RBFOX1: variants seen among roughly 807,000 people sequenced by gnomAD.
The protein encoded by RBFOX1 is RNA binding fox-1 homolog 1.
Under a neutral mutation model 57.7 loss-of-function variants are expected in RBFOX1, and 8 were observed. That is an observed-to-expected ratio of 0.14 (90% CI 0.08 to 0.25). The LOEUF (loss-of-function observed/expected upper bound fraction) is 0.25. RBFOX1 is among the 10% of genes least tolerant of loss of function. The probability of loss-of-function intolerance (pLI) is 1.00; values close to 1 mark genes in which losing one functional copy is unlikely to be tolerated. For synonymous variants in RBFOX1, 326 were observed against 222.4 expected, an observed-to-expected ratio of 1.47 and a Z score of -4.15; for missense variants, 611 against 548.5, an observed-to-expected ratio of 1.11 and a Z score of -1.14.
At chr16:7,206,995 G>A (rs1053655390) in intron 4 of RBFOX1, among the ~76,000 whole-genome samples, 2 of 152,120 alleles carry the variant, frequency 1.3e-5, no homozygotes, top group African/African-American at 4.8e-5. Context: ...AGCCAATTTA[G>A]CCCCTTGCAG....
At chr16:7,614,921 G>A (rs185874257) in intron 10 of RBFOX1, 3 of 152,298 alleles carry the variant, frequency 2.0e-5, no homozygotes, top group Admixed American at 2.0e-4. Flanking sequence ...ATTATATAAA[G>A]GTCTTTTTTC....
At chr16:6,739,920 G>A (rs1347198097) in intron 3 of RBFOX1, among the ~76,000 whole-genome samples, 1 of 152,064 alleles carries the variant, frequency 6.6e-6, no homozygotes, top group Non-Finnish European at 1.5e-5. Context: ...ATTTTATGAA[G>A]CCATTACACT....
rs143633525 is a variant in RBFOX1, at chr16:7,244,662, G to A, written c.27+192564G>A. Among the ~76,000 whole-genome samples, 1,187 of 152,294 alleles carry A rather than the reference G, an allele frequency of 7.8e-3. 20 individuals carry two copies. Among genetic ancestry groups the A allele is most frequent in the African/African-American group, 0.026 (1,100 of 41,552 alleles). On this transcript the variant is annotated intron_variant, in intron 4 of 15. Transcript: ENST00000550418. ...AATGTTGCTGCTTAAGCCTGTAAATGTATGGTATGCAACTTGTGGGTACTT... is the reference window on the plus strand; with the variant it reads ...AATGTTGCTGCTTAAGCCTGTAAATATATGGTATGCAACTTGTGGGTACTT...
intron 3 of RBFOX1, among the ~76,000 whole-genome samples, chr16:5,806,169 T>G (rs1161239887): frequency 6.6e-6 from 1 of 152,240 alleles, no homozygotes; most frequent in African/African-American, 2.4e-5. Context: ...TTTTCTGTCT[T>G]TCTTCACCAG....
intron 3 of RBFOX1, among the ~76,000 whole-genome samples, chr16:6,745,428 G>C (rs151216262): frequency 4.6e-5 from 7 of 152,192 alleles, no homozygotes; most frequent in African/African-American, 1.7e-4. Context: ...GAAATCTATT[G>C]ACACATGAAA....
At chr16:7,500,198 G>A (rs1203534952) in intron 4 of RBFOX1, among the ~76,000 whole-genome samples, 1 of 152,174 alleles carries the variant, frequency 6.6e-6, no homozygotes, top group Admixed American at 6.5e-5. Context: ...TGGAGACATT[G>A]GGTGATGTAT....
chr16:7,474,161 C>A (rs1490873024), intron 4 of RBFOX1, among the ~76,000 whole-genome samples: 1 of 152,108 alleles, frequency 6.6e-6, no homozygotes, highest in Non-Finnish European at 1.5e-5. Context: ...GTGGCGCATG[C>A]CTGTAGTTCC....
intron 3 of RBFOX1, among the ~76,000 whole-genome samples, chr16:6,910,418 C>T (rs192015144): frequency 6.6e-6 from 1 of 152,204 alleles, no homozygotes; most frequent in Non-Finnish European, 1.5e-5. Flanking sequence ...CTCAGGAATT[C>T]TGTCCCCAGG....
chr16:5,314,451 A>G (rs983820435), intron 1 of RBFOX1, among the ~76,000 whole-genome samples: 3 of 152,238 alleles, frequency 2.0e-5, no homozygotes, highest in Non-Finnish European at 4.4e-5. Context: ...CCGCTTCACT[A>G]GGTGCAGCAG....
chr16:5,801,806 G>T (rs866180743), intron 3 of RBFOX1, among the ~76,000 whole-genome samples: 38 of 152,190 alleles, frequency 2.5e-4, no homozygotes, highest in African/African-American at 8.9e-4. Context: ...AGTGAACCGG[G>T]TGCCAAAATT....
chr16:7,253,647 G>T (rs1029858351), intron 4 of RBFOX1, among the ~76,000 whole-genome samples: 1 of 151,940 alleles, frequency 6.6e-6, no homozygotes, highest in Non-Finnish European at 1.5e-5. Context: ...TGACCATCTT[G>T]CCTATGCTTT....
intron 1 of RBFOX1, among the ~76,000 whole-genome samples, chr16:5,382,013 A>G (rs2066143157): frequency 6.6e-6 from 1 of 152,124 alleles, no homozygotes; most frequent in Admixed American, 6.5e-5. Context: ...CATCTCCCCA[A>G]ACTGGGACAA....
chr16:6,906,002 A>T (rs927513885), intron 3 of RBFOX1, among the ~76,000 whole-genome samples: 6 of 152,154 alleles, frequency 3.9e-5, no homozygotes, highest in African/African-American at 1.2e-4. Flanking sequence ...TTCTGAAGAA[A>T]TCCTCTGCCT....
intron 3 of RBFOX1, among the ~76,000 whole-genome samples, chr16:5,606,438 C>T (rs1270583973): frequency 6.6e-6 from 1 of 151,958 alleles, no homozygotes; most frequent in East Asian, 1.9e-4. Context: ...CACAAAATGC[C>T]CTCCACCCTC....
chr16:6,349,266 C>T (rs757651029), intron 2 of RBFOX1, among the ~76,000 whole-genome samples: 2 of 152,066 alleles, frequency 1.3e-5, no homozygotes, highest in African/African-American at 4.8e-5. Flanking sequence ...CTTACCTAGC[C>T]GACGACTTGA....
chr16:5,280,579 G>C (rs899557261), intron 1 of RBFOX1, among the ~76,000 whole-genome samples: 15 of 152,080 alleles, frequency 9.9e-5, no homozygotes, highest in African/African-American at 2.9e-4. Context: ...TTCTCTTTTG[G>C]GAGACTTTTT....
chr16:7,283,141 G>A (rs950802443), intron 4 of RBFOX1, among the ~76,000 whole-genome samples: 2 of 152,050 alleles, frequency 1.3e-5, no homozygotes, highest in African/African-American at 4.8e-5. Context: ...GGATCAAATG[G>A]TAGTTCTACA....
intron 3 of RBFOX1, among the ~76,000 whole-genome samples, chr16:6,694,395 T>G (rs564601668): frequency 3.3e-5 from 5 of 152,306 alleles, no homozygotes; most frequent in Non-Finnish European, 4.4e-5. Context: ...AATTCCACTA[T>G]AAACACAAGA....
At chr16:7,105,378 C>T (rs1395106162) in intron 4 of RBFOX1, among the ~76,000 whole-genome samples, 1 of 150,434 alleles carries the variant, frequency 6.6e-6, no homozygotes, top group East Asian at 2.0e-4. Context: ...TGTTTGGTTA[C>T]ATGAATAAGT....
Sources: gnomAD v4.1 joint callset for allele counts (sites outside exome capture counted in the v4.1 genomes callset) on GRCh38, gnomAD v4.1.1 for gene constraint, MANE v1.5 for transcripts, NCBI Gene and HGNC (gene_info 2026-07-23, HGNC 2026-07-21) for gene names.